The following GPM6A variants were observed in gnomAD, a reference collection of about 807,000 sequenced individuals.
The protein encoded by GPM6A is neuronal membrane glycoprotein M6-a.
GPM6A carries 7 observed loss-of-function variants against 32.1 expected under a neutral mutation model. The ratio of observed to expected loss-of-function variants is 0.22; its 90% CI spans 0.12 to 0.41. The LOEUF (loss-of-function observed/expected upper bound fraction) is 0.41, where lower values mean the gene tolerates loss of function less well. Among genes scored for constraint, GPM6A ranks in the 10% least tolerant of loss-of-function variants. The pLI is 1.00. For synonymous variants in GPM6A, 130 were observed against 123.4 expected, an observed-to-expected ratio of 1.05 and a Z score of -0.35; for missense variants, 235 against 347.2, an observed-to-expected ratio of 0.68 and a Z score of 2.57.
At chr4:175,637,290 A>T (rs1327891709) in intron 6 of GPM6A, among the ~76,000 whole-genome samples, 5 of 54,662 alleles carry the variant, frequency 9.1e-5, no homozygotes, top group Admixed American at 3.5e-4. Flanking sequence ...ATTATATAAA[A>T]TATATATTAT....
At chr4:175,810,258 G>A (rs1190352842) in intron 1 of GPM6A, among the ~76,000 whole-genome samples, 3 of 152,146 alleles carry the variant, frequency 2.0e-5, no homozygotes, top group Non-Finnish European at 4.4e-5. Context: ...TAGAAAAGGT[G>A]TCATAGGCGT....
intron 1 of GPM6A, among the ~76,000 whole-genome samples, chr4:175,732,032 T>A (rs1235776620): frequency 6.9e-6 from 1 of 143,980 alleles, no homozygotes; most frequent in Non-Finnish European, 1.5e-5. Context: ...AGTGGCTCAA[T>A]CTCAGCTTAC....
chr4:175,701,978 T>G (rs1744906166), intron 1 of GPM6A, among the ~76,000 whole-genome samples: 1 of 152,206 alleles, frequency 6.6e-6, no homozygotes, highest in Admixed American at 6.5e-5. Context: ...TTGCCATGAC[T>G]GATGTCTTCC....
chr4:175,890,487 A>AATTTTATTTT (rs56214315), intron 1 of GPM6A, among the ~76,000 whole-genome samples: 3,449 of 127,716 alleles, frequency 0.027, 95 homozygotes, highest in African/African-American at 0.068. Context: ...TGTTTAGAGC[A>AATTTTATTTT]ATTTTATTTT....
At chr4:175,723,735 C>CATATAACATATATTAGTATAACAT (rs1467400701) in intron 1 of GPM6A, among the ~76,000 whole-genome samples, 1 of 152,010 alleles carries the variant, frequency 6.6e-6, no homozygotes, top group Non-Finnish European at 1.5e-5. Context: ...TTTATAAAGA[C>CATATAACATATATTAGTATAACAT]ATATTAAGTT....
chr4:175,803,489 A>G (rs1734559756), intron 1 of GPM6A, among the ~76,000 whole-genome samples: 1 of 152,174 alleles, frequency 6.6e-6, no homozygotes, highest in African/African-American at 2.4e-5. Flanking sequence ...GATGAGAGGA[A>G]AGGAAACATG....
intron 1 of GPM6A, among the ~76,000 whole-genome samples, chr4:175,844,927 T>A (rs1463503404): frequency 6.6e-6 from 1 of 152,140 alleles, no homozygotes; most frequent in African/African-American, 2.4e-5. Flanking sequence ...GTGATAAATA[T>A]GTTAAGCACT....
intron 1 of GPM6A, among the ~76,000 whole-genome samples, chr4:175,902,614 C>T (rs1315912031): frequency 1.3e-5 from 2 of 152,090 alleles, no homozygotes; most frequent in Non-Finnish European, 1.5e-5. Context: ...TTCTTCCTCG[C>T]TATACAAATG....
intron 1 of GPM6A, among the ~76,000 whole-genome samples, chr4:175,952,915 G>A (rs189828255): frequency 9.9e-5 from 15 of 151,758 alleles, no homozygotes; most frequent in Admixed American, 4.6e-4. Context: ...GCATGGTGGC[G>A]CATGACTGTG....
chr4:175,869,517 G>A (rs1212337800), intron 1 of GPM6A, among the ~76,000 whole-genome samples: 4 of 151,580 alleles, frequency 2.6e-5, no homozygotes, highest in Admixed American at 2.0e-4. Flanking sequence ...CCAGCACTTT[G>A]GGAGGCCGAG....
At chr4:175,711,216 T>G (rs891737254) in intron 1 of GPM6A, among the ~76,000 whole-genome samples, 1 of 151,652 alleles carries the variant, frequency 6.6e-6, no homozygotes, top group Non-Finnish European at 1.5e-5. Context: ...ACAAAAAAGG[T>G]TTTCTTGCTA....
At chr4:175,816,920 C>T (rs1338447100), upstream of GPM6A, among the ~76,000 whole-genome samples, 2 of 151,780 alleles carry the variant, frequency 1.3e-5, no homozygotes, top group African/African-American at 2.4e-5. Context: ...AGTGCAGCGG[C>T]GCGGTCTCGG....
chr4:175,764,678 A>T (rs2111217877), intron 1 of GPM6A, among the ~76,000 whole-genome samples: 1 of 152,166 alleles, frequency 6.6e-6, no homozygotes, highest in Non-Finnish European at 1.5e-5. Flanking sequence ...AAACATAATA[A>T]AAACATCAGA....
intron 1 of GPM6A, among the ~76,000 whole-genome samples, chr4:175,819,615 G>A (rs532364370): frequency 2.3e-4 from 35 of 152,216 alleles, no homozygotes; most frequent in East Asian, 5.8e-4. Context: ...GGAGGAAATC[G>A]AAACAAAAAG....
At chr4:175,818,517 T>C (rs1735179676) in intron 1 of GPM6A, among the ~76,000 whole-genome samples, 1 of 152,234 alleles carries the variant, frequency 6.6e-6, no homozygotes, top group African/African-American at 2.4e-5. Flanking sequence ...ATAAGCTCCA[T>C]GAGATAATGG....
At chr4:175,926,442 G>A (rs992145864) in intron 1 of GPM6A, among the ~76,000 whole-genome samples, 1 of 152,036 alleles carries the variant, frequency 6.6e-6, no homozygotes, top group Non-Finnish European at 1.5e-5. Flanking sequence ...TCTTTCAATA[G>A]GGCTTATGTT....
intron 1 of GPM6A, among the ~76,000 whole-genome samples, chr4:175,836,359 T>G (rs538034796): frequency 1.3e-5 from 2 of 152,184 alleles, no homozygotes; most frequent in African/African-American, 4.8e-5. Flanking sequence ...GTCAGAAATT[T>G]TTTTTAGGTG....
At chr4:175,725,567 C>G (rs182798543) in intron 1 of GPM6A, among the ~76,000 whole-genome samples, 2 of 152,252 alleles carry the variant, frequency 1.3e-5, no homozygotes, top group Admixed American at 1.3e-4. Flanking sequence ...GCTGAGATTA[C>G]AGATGTGAGC....
intron 1 of GPM6A, among the ~76,000 whole-genome samples, chr4:175,748,042 G>A (rs1016182829): frequency 6.6e-6 from 1 of 151,896 alleles, no homozygotes; most frequent in South Asian, 2.1e-4. Flanking sequence ...AAATTTTATC[G>A]TGAGATTGTA....
Sources: gnomAD v4.1 joint callset for allele counts (sites outside exome capture counted in the v4.1 genomes callset) on GRCh38, gnomAD v4.1.1 for gene constraint, MANE v1.5 for transcripts, NCBI Gene and HGNC (gene_info 2026-07-23, HGNC 2026-07-21) for gene names.